SEPTIN10: variants seen among roughly 807,000 people sequenced by gnomAD.
SEPTIN10 encodes septin 10.
SEPTIN10 carries 66 observed loss-of-function variants against 54.8 expected under a neutral mutation model. The ratio of observed to expected loss-of-function variants is 1.21; its 90% CI spans 0.99 to 1.48. SEPTIN10 has a LOEUF of 1.48. Among genes scored for constraint, SEPTIN10 ranks in the 40% most tolerant of loss-of-function variants. The probability of loss-of-function intolerance (pLI) is 0.00; values close to 1 mark genes in which losing one functional copy is unlikely to be tolerated. For missense variants in SEPTIN10, 620 were observed against 545.6 expected, an observed-to-expected ratio of 1.14 and a Z score of -1.36; for synonymous variants, 161 against 181.0, an observed-to-expected ratio of 0.89 and a Z score of 0.89.
At chr2:109,581,905 A>G (rs1031284519) in intron 4 of SEPTIN10, among the ~76,000 whole-genome samples, 1 of 152,206 alleles carries the variant, frequency 6.6e-6, no homozygotes, top group African/African-American at 2.4e-5. Context: ...AGACAATATA[A>G]TTTCATACCT....
chr2:109,597,102 C>A (rs1695469271), intron 1 of SEPTIN10, among the ~76,000 whole-genome samples: 1 of 152,122 alleles, frequency 6.6e-6, no homozygotes, highest in Admixed American at 6.5e-5. Flanking sequence ...CACATCCCAG[C>A]ACACTTGGCT....
chr2:109,600,363 G>A (rs1696349492), intron 1 of SEPTIN10, among the ~76,000 whole-genome samples: 1 of 152,034 alleles, frequency 6.6e-6, no homozygotes, highest in South Asian at 2.1e-4. Context: ...CCTCCTACAT[G>A]TCTGCTTGCA....
intron 9 of SEPTIN10, among the ~76,000 whole-genome samples, chr2:109,549,224 A>G (rs1411033734): frequency 6.6e-6 from 1 of 152,248 alleles, no homozygotes; most frequent in East Asian, 1.9e-4. Flanking sequence ...GGAGTGGGAC[A>G]AAGTCTGGAA....
At position 109,613,888 on chromosome 2, in the gene SEPTIN10, G is replaced by C. The variant is rs896326593; in HGVS notation, c.-61C>G. ...AGCCCGGCCCCGAGCGGCTGGTCCC[G>C]GCGACGGCGGCGGGAAGGCCGGAGG... On this transcript the variant is annotated 5_prime_UTR_variant, in exon 1 of 11. Transcript: ENST00000397712. 3 of 1,229,602 alleles carry C rather than the reference G, an allele frequency of 2.4e-6. No individual in the cohort carries two copies. Among genetic ancestry groups the C allele is most frequent in the Non-Finnish European group, 3.0e-6 (3 of 986,930 alleles). 76.2% of individuals were successfully genotyped at this position (1,229,602 alleles called of 1,614,324 possible). A position where few individuals can be genotyped will look rare whatever the true frequency, so the allele number is the denominator to read the frequency against.
At chr2:109,547,552 G>A (rs1269310466) in intron 9 of SEPTIN10, among the ~76,000 whole-genome samples, 1 of 152,024 alleles carries the variant, frequency 6.6e-6, no homozygotes, top group East Asian at 1.9e-4. Flanking sequence ...CCTTGGGGCT[G>A]AAAATCATCT....
chr2:109,552,001 T>A (rs1683071254), intron 9 of SEPTIN10, among the ~76,000 whole-genome samples: 1 of 152,098 alleles, frequency 6.6e-6, no homozygotes, highest in Non-Finnish European at 1.5e-5. Context: ...GGCTACACAG[T>A]ATAAGGTGAG....
intron 1 of SEPTIN10, among the ~76,000 whole-genome samples, chr2:109,599,179 C>T (rs1428521178): frequency 3.3e-5 from 5 of 151,996 alleles, no homozygotes; most frequent in South Asian, 2.1e-4. Context: ...AAGTGGAGGC[C>T]GGGCGCGGTG....
At chr2:109,572,071 A>G in intron 5 of SEPTIN10, among the ~76,000 whole-genome samples, 1 of 152,218 alleles carries the variant, frequency 6.6e-6, no homozygotes, top group Non-Finnish European at 1.5e-5. Context: ...ATGCTTCGTA[A>G]TATTCATCTC....
chr2:109,558,534 C>T (rs1329756574), intron 8 of SEPTIN10, among the ~76,000 whole-genome samples: 1 of 152,104 alleles, frequency 6.6e-6, no homozygotes, highest in African/African-American at 2.4e-5. Context: ...TTTATAAAGG[C>T]ATGTTTCCAA....
At chr2:109,568,717 G>T (rs1208945596) in intron 5 of SEPTIN10, among the ~76,000 whole-genome samples, 1 of 152,066 alleles carries the variant, frequency 6.6e-6, no homozygotes, top group Non-Finnish European at 1.5e-5. Flanking sequence ...TAAGCACTAA[G>T]TAACCAGGGT....
chr2:109,573,973 T>C (rs909145564), intron 5 of SEPTIN10, among the ~76,000 whole-genome samples: 3 of 152,188 alleles, frequency 2.0e-5, no homozygotes, highest in African/African-American at 4.8e-5. Context: ...AAAGTAAAAT[T>C]AGTATCAACT....
intron 1 of SEPTIN10, among the ~76,000 whole-genome samples, chr2:109,610,923 G>A (rs983097994): frequency 6.6e-6 from 1 of 152,184 alleles, no homozygotes. Context: ...ATCTGGGGGA[G>A]AGAAGAATAA....
At chr2:109,594,899 T>A (rs1694969493) in intron 1 of SEPTIN10, 2 of 152,164 alleles carry the variant, frequency 1.3e-5, no homozygotes, top group African/African-American at 4.8e-5. Context: ...ATGTGTTTTT[T>A]TTTTTTGAGA....
At chr2:109,585,472 C>A in intron 3 of SEPTIN10, 151 bp from the exon 4 acceptor site, 1 of 699,236 alleles carries the variant, frequency 1.4e-6, no homozygotes, top group Non-Finnish European at 2.4e-6. Context: ...TCCCCCAAGT[C>A]ATTAGCAGAG....
chr2:109,557,170 TA>T (rs564867948), intron 8 of SEPTIN10, among the ~76,000 whole-genome samples: 32 of 151,300 alleles, frequency 2.1e-4, no homozygotes, highest in African/African-American at 6.1e-4. Context: ...TAAAGTATAA[TA>T]AAAAAAAATT....
intron 7 of SEPTIN10, 135 bp downstream of exon 7, chr2:109,565,628 G>A: frequency 1.3e-6 from 1 of 767,176 alleles, no homozygotes. Context: ...CCAGACTTTG[G>A]CTAAAATAGT....
chr2:109,605,238 A>G (rs1697663295), intron 1 of SEPTIN10, among the ~76,000 whole-genome samples: 1 of 152,110 alleles, frequency 6.6e-6, no homozygotes, highest in African/African-American at 2.4e-5. Flanking sequence ...TACTAGTATG[A>G]TCAGGCAGAT....
intron 1 of SEPTIN10, among the ~76,000 whole-genome samples, chr2:109,608,305 CCAT>C (rs780294537): frequency 1.3e-5 from 2 of 152,136 alleles, no homozygotes; most frequent in Non-Finnish European, 2.9e-5. Flanking sequence ...TTCAAGGTAT[CCAT>C]CAATATACTC....
chr2:109,597,279 T>G (rs1310553038), intron 1 of SEPTIN10, among the ~76,000 whole-genome samples: 2 of 152,206 alleles, frequency 1.3e-5, no homozygotes, highest in African/African-American at 4.8e-5. Context: ...AAAGTAATAA[T>G]AGGACAAGAG....
Sources: allele counts gnomAD v4.1 joint callset (sites outside exome capture counted in the v4.1 genomes callset), GRCh38; gene constraint gnomAD v4.1.1; transcripts MANE v1.5; gene names NCBI Gene and HGNC (gene_info 2026-07-23, HGNC 2026-07-21).